Variants in RYR3 observed in about 807,000 individuals in gnomAD.
RYR3 encodes ryanodine receptor 3, also known as brain ryanodine receptor-calcium release channel.
In RYR3, 207 loss-of-function variants were observed where a neutral mutation model predicts 584.3. That is an observed-to-expected ratio of 0.35 (90% CI 0.32 to 0.40). RYR3 has a LOEUF of 0.40. Ranked by LOEUF, RYR3 falls within the 10% of genes least tolerant of loss-of-function variation. The pLI, the probability that RYR3 is intolerant of heterozygous loss-of-function variation, is 1.00. For missense variants in RYR3, 5,616 were observed against 6,089.2 expected, an observed-to-expected ratio of 0.92 and a Z score of 2.59; for synonymous variants, 2,416 against 2,248.5, an observed-to-expected ratio of 1.07 and a Z score of -2.11.
At chr15:33,376,151 G>A (rs930641928) in intron 1 of RYR3, among the ~76,000 whole-genome samples, 5 of 152,046 alleles carry the variant, frequency 3.3e-5, no homozygotes, top group Non-Finnish European at 7.4e-5. Context: ...CCCCAGAGAC[G>A]ACCACATTCT....
chr15:33,536,575 C>A (rs537234216), intron 5 of RYR3, among the ~76,000 whole-genome samples: 2 of 152,240 alleles, frequency 1.3e-5, no homozygotes, highest in South Asian at 2.1e-4. Flanking sequence ...GGCAGGGAAG[C>A]AAAGTACTCT....
intron 2 of RYR3, among the ~76,000 whole-genome samples, chr15:33,481,985 A>C (rs796421891): frequency 3.1e-4 from 47 of 152,216 alleles, no homozygotes; most frequent in African/African-American, 1.1e-3. Flanking sequence ...AAGAAATAAA[A>C]GGGAAGAAGA....
At chr15:33,595,755 A>G (rs927956680) in intron 16 of RYR3, among the ~76,000 whole-genome samples, 2 of 152,218 alleles carry the variant, frequency 1.3e-5, no homozygotes, top group Admixed American at 1.3e-4. Context: ...CTGTAACTCA[A>G]TGTTACAAGA....
chr15:33,327,038 G>T (rs1187907446), intron 1 of RYR3, among the ~76,000 whole-genome samples: 1 of 151,956 alleles, frequency 6.6e-6, no homozygotes, highest in Non-Finnish European at 1.5e-5. Context: ...CAGAGAACTG[G>T]CATTGCCCCT....
rs1365630464 is a variant in RYR3, at chr15:33,652,868, G to T, written c.4293G>T (p.Leu1431=). 2 of 1,610,918 alleles carry T rather than the reference G, an allele frequency of 1.2e-6. No individual in the cohort carries two copies. The highest frequency in any genetic ancestry group is 1.7e-6 in the Non-Finnish European group (2 of 1,178,502). The part of the protein sequence containing the change: ...MLSFSANGKE[L]GTCYQVEPNT... ...CCTTCTCAGCCAATGGAAAGGAACT[G>T]GGCACCTGCTACCAGGTAAGGGCGG... The change falls in exon 32 of 104, where the codon CTG becomes CTT. Residue 1431 remains leucine, a synonymous_variant. Transcript: ENST00000634891.
chr15:33,665,732 T>C (rs144646024), intron 36 of RYR3, among the ~76,000 whole-genome samples: 1 of 152,348 alleles, frequency 6.6e-6, no homozygotes, highest in Non-Finnish European at 1.5e-5. Context: ...TCAAGAGTAG[T>C]TCCTGACAAA....
At chr15:33,665,398 A>G (rs1297728734) in intron 36 of RYR3, among the ~76,000 whole-genome samples, 1 of 152,222 alleles carries the variant, frequency 6.6e-6, no homozygotes, top group East Asian at 1.9e-4. Flanking sequence ...AGCATTCTGT[A>G]AGTACTAAGC....
chr15:33,840,587 G>T (rs1192149743), intron 89 of RYR3: 6 of 562,728 alleles, frequency 1.1e-5, no homozygotes, highest in Middle Eastern at 3.7e-4. Context: ...TTTCCTCTTT[G>T]AATTGAGTAA....
intron 102 of RYR3, 150 bp downstream of exon 102, chr15:33,861,328 T>TC (rs1888124948): frequency 3.5e-6 from 2 of 575,592 alleles, no homozygotes; most frequent in African/African-American, 3.7e-5. Flanking sequence ...ATAGACTCTG[T>TC]CTCTCCCATG....
chr15:33,726,560 G>T, intron 46 of RYR3, 54 bp downstream of exon 46: 2 of 1,527,646 alleles, frequency 1.3e-6, no homozygotes, highest in African/African-American at 1.4e-5. Flanking sequence ...CCACTGGCTC[G>T]GGGCAGGACT....
At chr15:33,532,329 G>A (rs892775) in intron 4 of RYR3, among the ~76,000 whole-genome samples, 92,871 of 151,886 alleles carry the variant, frequency 0.61, 30,971 homozygotes, top group Middle Eastern at 0.79. Context: ...TTATTTTGAG[G>A]AGTTTTAAAG....
rs139167399 is a variant in RYR3, at chr15:33,722,925, G to T, written c.6800+30G>T. On this transcript the variant is annotated intron_variant, in intron 44 of 103. Coordinates refer to ENST00000634891, the MANE Select transcript of RYR3 (RefSeq NM_001036.6). ...GTGAATGGAATTCCCTTCCGGCACA[G>T]ATACGGTTGGTGAGCTCTCAGATAT... The T allele has an allele frequency of 4.2e-4, 646 of 1,525,614 alleles. 1 individual carries two copies. In the Middle Eastern group the frequency reaches 4.6e-3, roughly 11 times the overall value. 94.5% of individuals were successfully genotyped at this position (1,525,614 alleles called of 1,614,324 possible).
rs563531257 is a variant in RYR3, at chr15:33,652,809, G to A, written c.4234G>A (p.Gly1412Ser). Residue 1412 changes from glycine (G) to serine (S), a missense_variant, in exon 32 of 104, where the codon GGC (glycine) becomes AGC (serine). This residue lies in a region of RYR3 where 753 missense variants were observed against 741.0 expected (regional missense o/e 1.02). Coordinates refer to ENST00000634891, the MANE Select transcript of RYR3 (RefSeq NM_001036.6). ...SNRSNVDLEI[G>S]CLVDLAMGML... Reference sequence around the variant, plus strand: ...TCGGAGCAACGTGGACCTGGAGATCGGCTGTCTCGTGGATCTGGCCATGGG... The same window carrying A: ...TCGGAGCAACGTGGACCTGGAGATCAGCTGTCTCGTGGATCTGGCCATGGG... 1.2e-5 allele frequency: 20 copies of A among 1,613,912 alleles called. No individual in the cohort carries two copies. The highest frequency in any genetic ancestry group is 1.6e-4 in the Middle Eastern group (1 of 6,062).
chr15:33,452,833 G>C (rs917984547), intron 1 of RYR3, among the ~76,000 whole-genome samples: 8 of 152,202 alleles, frequency 5.3e-5, no homozygotes, highest in African/African-American at 1.9e-4. Context: ...GAAACTTAAA[G>C]TAGTGAAATT....
intron 1 of RYR3, among the ~76,000 whole-genome samples, chr15:33,352,115 T>C (rs926133292): frequency 6.6e-6 from 1 of 152,186 alleles, no homozygotes; most frequent in African/African-American, 2.4e-5. Context: ...GTACCTTCTT[T>C]AGTGAAGTGA....
Position 33,864,991 on chromosome 15 carries a change from A to G in RYR3, c.14518-140A>G, listed in dbSNP as rs1889985999. 6.4e-6 allele frequency: 4 copies of G among 622,986 alleles called. No individual in the cohort carries two copies. In the South Asian group the frequency reaches 8.2e-5, roughly 13 times the overall value. The allele number at this position is 622,986 out of a possible 1,614,324, so 38.6% of individuals were successfully genotyped here. A position where few individuals can be genotyped will look rare whatever the true frequency, so the allele number is the denominator to read the frequency against. ...CCCAAACAGCCTGTGCTGGGAATAG[A>G]GCAAGAATGAATGTGCAGGTTTGGC... On this transcript the variant is annotated intron_variant, in intron 103 of 103. Coordinates refer to ENST00000634891, the MANE Select transcript of RYR3 (RefSeq NM_001036.6).
chr15:33,559,007 C>T (rs1041444029), intron 10 of RYR3, among the ~76,000 whole-genome samples: 1 of 152,138 alleles, frequency 6.6e-6, no homozygotes, highest in African/African-American at 2.4e-5. Flanking sequence ...ATAATTTCAG[C>T]AGGCTCTGGA....
chr15:33,765,390 T>C (rs1243530936), intron 60 of RYR3, among the ~76,000 whole-genome samples: 1 of 152,012 alleles, frequency 6.6e-6, no homozygotes, highest in African/African-American at 2.4e-5. Context: ...CCCAGCACTT[T>C]GGGAGGCCAA....
intron 1 of RYR3, among the ~76,000 whole-genome samples, chr15:33,467,000 T>C (rs1053804378): frequency 7.7e-5 from 11 of 143,218 alleles, no homozygotes; most frequent in African/African-American, 2.8e-4. Flanking sequence ...CTGTGTGTAG[T>C]CTCGTCATTC....
Sources: gnomAD v4.1 joint callset for allele counts (sites outside exome capture counted in the v4.1 genomes callset) on GRCh38, gnomAD v4.1.1 for gene constraint, gnomAD v4.1.1 regional missense constraint, MANE v1.5 for transcripts, NCBI Gene and HGNC (gene_info 2026-07-23, HGNC 2026-07-21) for gene names.